ASTN2: variants seen among roughly 807,000 people sequenced by gnomAD.
ASTN2 encodes the protein astrotactin 2, also known as astrotactin-2.
ASTN2 carries 54 observed loss-of-function variants against 139.8 expected under a neutral mutation model. That is an observed-to-expected ratio of 0.39 (90% CI 0.31 to 0.48). The LOEUF (loss-of-function observed/expected upper bound fraction) is 0.48. ASTN2 is among the 20% of genes least tolerant of loss of function. The probability of loss-of-function intolerance (pLI) is 0.95; values close to 1 mark genes in which losing one functional copy is unlikely to be tolerated. For missense variants in ASTN2, 1,565 were observed against 1,725.1 expected, an observed-to-expected ratio of 0.91 and a Z score of 1.64; for synonymous variants, 756 against 719.5, an observed-to-expected ratio of 1.05 and a Z score of -0.81.
chr9:116,446,168 T>C lies in ASTN2; in HGVS notation c.3498-3615A>G, dbSNP rs114233093. On this transcript the variant is annotated intron_variant, in intron 20 of 22. Coordinates refer to ENST00000313400, the MANE Select transcript of ASTN2 (RefSeq NM_001365068.1). ...AGAGACCAAGAAACAGATACAAATA[T>C]ATACCACAAGCAAATCCATACAGCA... Among the ~76,000 whole-genome samples the C allele has an allele frequency of 5.1e-3, 772 of 150,582 alleles. 11 individuals are homozygous for C. Among genetic ancestry groups the C allele is most frequent in the African/African-American group, 0.018 (726 of 40,888 alleles).
intron 4 of ASTN2, among the ~76,000 whole-genome samples, 187 bp downstream of exon 4, chr9:117,141,139 T>A (rs1830064711): frequency 6.6e-6 from 1 of 152,072 alleles, no homozygotes; most frequent in African/African-American, 2.4e-5. Flanking sequence ...CACCTGGGGC[T>A]CAGAGAGGTT....
chr9:116,438,511 C>T (rs73520353), intron 22 of ASTN2, among the ~76,000 whole-genome samples: 4,549 of 152,162 alleles, frequency 0.03, 208 homozygotes, highest in African/African-American at 0.1. Flanking sequence ...AAGTGTAGGC[C>T]GAGTTCCTCT....
chr9:116,797,147 A>G (rs973141146), intron 13 of ASTN2, among the ~76,000 whole-genome samples: 2 of 152,186 alleles, frequency 1.3e-5, no homozygotes, highest in African/African-American at 4.8e-5. Context: ...GGAGAAAACT[A>G]TGGAAGGTAA....
intron 2 of ASTN2, among the ~76,000 whole-genome samples, chr9:117,266,161 C>T (rs1343373559): frequency 6.6e-6 from 1 of 152,130 alleles, no homozygotes; most frequent in African/African-American, 2.4e-5. Flanking sequence ...TATTGTAGAA[C>T]CTCACTAAGG....
At chr9:116,451,406 C>T (rs1415561540) in intron 20 of ASTN2, among the ~76,000 whole-genome samples, 3 of 151,830 alleles carry the variant, frequency 2.0e-5, no homozygotes, top group African/African-American at 7.3e-5. Flanking sequence ...TAAATGAATG[C>T]CTACTAGGTG....
At chr9:116,900,762 C>A (rs965392522) in intron 10 of ASTN2, among the ~76,000 whole-genome samples, 1 of 152,056 alleles carries the variant, frequency 6.6e-6, no homozygotes, top group African/African-American at 2.4e-5. Context: ...TCTTTCCTGC[C>A]CCCCTCTTTC....
At chr9:116,531,973 G>C (rs926179776) in intron 19 of ASTN2, among the ~76,000 whole-genome samples, 3 of 152,256 alleles carry the variant, frequency 2.0e-5, no homozygotes, top group African/African-American at 7.2e-5. Context: ...CTAGTTTACT[G>C]TCCCACCAAC....
chr9:116,893,761 A>G (rs1360144123), intron 10 of ASTN2, among the ~76,000 whole-genome samples: 1 of 151,994 alleles, frequency 6.6e-6, no homozygotes, highest in Non-Finnish European at 1.5e-5. Context: ...GGCCAAATCT[A>G]TCCATTTCCA....
intron 6 of ASTN2, among the ~76,000 whole-genome samples, chr9:117,013,162 G>A (rs1434789123): frequency 1.3e-5 from 2 of 152,106 alleles, no homozygotes; most frequent in Non-Finnish European, 2.9e-5. Context: ...GAGAGAACAA[G>A]AGAGAAAGAG....
chr9:116,425,634 A>C lies in ASTN2; in HGVS notation c.*217T>G, dbSNP rs766854104. The C allele has an allele frequency of 3.2e-5, 52 of 1,612,270 alleles. No individual in the cohort carries two copies. The highest frequency in any genetic ancestry group is 6.7e-5 in the Admixed American group (4 of 59,688). ...GATAGAGTCAAATAATATCTTTGAA[A>C]AAATAAAAGATAGAGAAAAATGAAT... On this transcript the variant is annotated 3_prime_UTR_variant, in exon 23 of 23. Coordinates refer to ENST00000313400, the MANE Select transcript of ASTN2 (RefSeq NM_001365068.1).
At chr9:116,847,020 AAAAAAAC>A (rs1195960891) in intron 11 of ASTN2, among the ~76,000 whole-genome samples, 1,597 of 134,158 alleles carry the variant, frequency 0.012, 34 homozygotes, top group South Asian at 0.03. Context: ...AAAAAAAAAA[AAAAAAAC>A]AAAAAACAAA....
At chr9:116,517,143 C>G (rs556192761) in intron 19 of ASTN2, among the ~76,000 whole-genome samples, 195 of 152,294 alleles carry the variant, frequency 1.3e-3, no homozygotes, top group African/African-American at 4.6e-3. Context: ...AGTCTGCATC[C>G]TCCCAATAGG....
At chr9:116,863,819 A>C in intron 10 of ASTN2, 86 bp from the exon 11 acceptor site, 1 of 1,340,290 alleles carries the variant, frequency 7.5e-7, no homozygotes, top group Admixed American at 2.6e-5. Flanking sequence ...TTACATTTGA[A>C]ACCATAACTT....
intron 16 of ASTN2, among the ~76,000 whole-genome samples, chr9:116,679,143 AT>A (rs1235731466): frequency 6.6e-6 from 1 of 152,152 alleles, no homozygotes; most frequent in African/African-American, 2.4e-5. Context: ...TGAAGTTATC[AT>A]TTTGGCCAAA....
intron 10 of ASTN2, among the ~76,000 whole-genome samples, chr9:116,901,318 C>T (rs1834005638): frequency 6.6e-6 from 1 of 152,016 alleles, no homozygotes; most frequent in South Asian, 2.1e-4. Context: ...TTGAGACCAG[C>T]CTGGGTAACA....
chr9:116,587,332 C>G (rs1854197877), intron 19 of ASTN2, among the ~76,000 whole-genome samples: 1 of 140,302 alleles, frequency 7.1e-6, no homozygotes, highest in Non-Finnish European at 1.5e-5. Flanking sequence ...CAGAGCAAGA[C>G]CCCATCTCAA....
intron 13 of ASTN2, among the ~76,000 whole-genome samples, chr9:116,738,276 A>G (rs1414327455): frequency 1.3e-5 from 2 of 152,122 alleles, no homozygotes; most frequent in East Asian, 3.9e-4. Flanking sequence ...TGAGGCAGAA[A>G]GATCCCCTGA....
At chr9:117,268,033 T>A (rs1833975630) in intron 2 of ASTN2, among the ~76,000 whole-genome samples, 1 of 152,236 alleles carries the variant, frequency 6.6e-6, no homozygotes, top group Non-Finnish European at 1.5e-5. Flanking sequence ...TAGTTTCTGC[T>A]GTAAAATGTT....
intron 1 of ASTN2, among the ~76,000 whole-genome samples, chr9:117,411,446 C>CA (rs199996219): frequency 0.081 from 3,491 of 42,978 alleles, 188 homozygotes; most frequent in Non-Finnish European, 0.1. Flanking sequence ...AAAGGATCTG[C>CA]AAAAAAAAAA....
Sources: gnomAD v4.1 joint callset for allele counts (sites outside exome capture counted in the v4.1 genomes callset) on GRCh38, gnomAD v4.1.1 for gene constraint, MANE v1.5 for transcripts, NCBI Gene and HGNC (gene_info 2026-07-23, HGNC 2026-07-21) for gene names.